The following CTNNBL1 variants were observed in gnomAD, a reference collection of about 807,000 sequenced individuals.
The protein encoded by CTNNBL1 is beta-catenin-like protein 1.
In CTNNBL1, 31 loss-of-function variants were observed where a neutral mutation model predicts 72.7. The ratio of observed to expected loss-of-function variants is 0.43; its 90% CI spans 0.32 to 0.58. CTNNBL1 has a LOEUF of 0.58. Ranked by LOEUF, CTNNBL1 falls within the 20% of genes least tolerant of loss-of-function variation. The pLI, the probability that CTNNBL1 is intolerant of heterozygous loss-of-function variation, is 0.08. For synonymous variants in CTNNBL1, 240 were observed against 267.3 expected (o/e 0.90, Z 1.00); for missense variants, 534 against 725.1 (o/e 0.74, Z 3.03).
intron 7 of CTNNBL1, among the ~76,000 whole-genome samples, chr20:37,770,125 C>T (rs565737833): frequency 4.1e-4 from 62 of 152,356 alleles, no homozygotes; most frequent in Non-Finnish European, 7.5e-4. Flanking sequence ...TTCAGTCTTG[C>T]ATCCAGCAAG....
At chr20:37,836,159 A>G (rs1446232041) in intron 11 of CTNNBL1, among the ~76,000 whole-genome samples, 1 of 152,226 alleles carries the variant, frequency 6.6e-6, no homozygotes, top group Non-Finnish European at 1.5e-5. Context: ...GTGTAAATTC[A>G]TCTTTGAGCT....
chr20:37,871,974 C>T lies in CTNNBL1; in HGVS notation c.1653C>T (p.Asn551=), dbSNP rs749426178. The T allele has an allele frequency of 2.5e-5, 41 of 1,614,100 alleles. No homozygotes were observed. The highest frequency in any genetic ancestry group is 1.0e-4 in the Admixed American group (6 of 60,022). The stretch of plus-strand genomic sequence containing the variant: ...GCCGGAGCCCGGAGTTCCGGGAGAA[C>T]GAGCAAAAGCGCATCCTGGGCTTGC... ...GDGRSPEFRE[N]EQKRILGLLE... The change falls in exon 16 of 16, where the codon AAC becomes AAT. Residue 551 remains asparagine, a synonymous_variant. Transcript: ENST00000361383.
Position 37,872,019 on chromosome 20 carries a change from C to T in CTNNBL1, c.*6C>T, listed in dbSNP as rs553340796. On this transcript the variant is annotated 3_prime_UTR_variant, in exon 16 of 16. Transcript: ENST00000361383. ...GCTTGCTGGAGAACTTCTAGAGGCA[C>T]CTTGGCCCTGCGCATCATGGACTCT... is the stretch of plus-strand genomic sequence containing the variant. 1.1e-4 allele frequency: 177 copies of T among 1,612,472 alleles called. 3 individuals are homozygous for T. The Middle Eastern group carries it at 8.9e-3, about 81-fold the overall frequency.
intron 11 of CTNNBL1, among the ~76,000 whole-genome samples, chr20:37,811,541 G>A (rs943606317): frequency 6.6e-6 from 1 of 152,176 alleles, no homozygotes; most frequent in Non-Finnish European, 1.5e-5. Context: ...ATGACAAAAT[G>A]TAGGGATGCT....
chr20:37,860,207 A>T, intron 14 of CTNNBL1, 65 bp from the exon 15 acceptor site: 1 of 1,504,076 alleles, frequency 6.6e-7, no homozygotes, highest in Non-Finnish European at 9.3e-7. Context: ...TTTCAAGGTG[A>T]TACATTCTGG....
At chr20:37,819,579 T>C (rs1335777373) in intron 11 of CTNNBL1, among the ~76,000 whole-genome samples, 6 of 152,224 alleles carry the variant, frequency 3.9e-5, no homozygotes, top group Non-Finnish European at 5.9e-5. Flanking sequence ...TTCTGTCATG[T>C]TTTTATATGT....
intron 1 of CTNNBL1, among the ~76,000 whole-genome samples, chr20:37,726,018 G>A (rs371512852): frequency 2.7e-4 from 41 of 152,124 alleles, no homozygotes; most frequent in African/African-American, 9.4e-4. Flanking sequence ...AGGCCTTTAT[G>A]TACATGCATA....
chr20:37,724,908 CTTT>C (rs748038781), intron 1 of CTNNBL1, among the ~76,000 whole-genome samples: 7 of 122,356 alleles, frequency 5.7e-5, no homozygotes, highest in Admixed American at 1.7e-4. Flanking sequence ...TCCTGTCAAT[CTTT>C]TTTTTTTTTT....
chr20:37,802,716 CCCT>C, intron 10 of CTNNBL1, 148 bp from the exon 11 acceptor site: 1 of 555,424 alleles, frequency 1.8e-6, no homozygotes, highest in Non-Finnish European at 3.1e-6. Flanking sequence ...AATTTGTCCA[CCCT>C]ATTGTAGACG....
chr20:37,777,002 A>G (rs533462179), intron 7 of CTNNBL1, among the ~76,000 whole-genome samples: 1 of 152,284 alleles, frequency 6.6e-6, no homozygotes, highest in Admixed American at 6.5e-5. Context: ...GGTGAGTTTT[A>G]ATCTTAAAAG....
intron 11 of CTNNBL1, among the ~76,000 whole-genome samples, chr20:37,811,223 A>G (rs2072009756): frequency 6.6e-6 from 1 of 152,116 alleles, no homozygotes; most frequent in African/African-American, 2.4e-5. Flanking sequence ...TCAGGTCCCT[A>G]TTTCTCCTCT....
At chr20:37,744,800 T>C (rs1162306617) in intron 3 of CTNNBL1, 1 of 152,212 alleles carries the variant, frequency 6.6e-6, no homozygotes, top group Non-Finnish European at 1.5e-5. Flanking sequence ...AATATAGAAC[T>C]ATATACTATA....
chr20:37,747,475 T>G (rs760858964), intron 4 of CTNNBL1, among the ~76,000 whole-genome samples: 11 of 152,132 alleles, frequency 7.2e-5, no homozygotes, highest in Non-Finnish European at 1.3e-4. Flanking sequence ...CAATCTAGGT[T>G]TGACTCTCAA....
intron 11 of CTNNBL1, among the ~76,000 whole-genome samples, chr20:37,824,086 A>T (rs1210117989): frequency 6.6e-6 from 1 of 152,228 alleles, no homozygotes; most frequent in East Asian, 1.9e-4. Flanking sequence ...ATTACTTTAG[A>T]TGAGCTATTG....
chr20:37,727,172 G>A (rs1229280560), intron 1 of CTNNBL1: 1 of 166,384 alleles, frequency 6.0e-6, no homozygotes, highest in African/African-American at 2.4e-5. Flanking sequence ...AAAAAAAGAG[G>A]GAAAAATGAA....
chr20:37,730,403 A>G (rs1477610527), intron 1 of CTNNBL1, among the ~76,000 whole-genome samples: 1 of 152,212 alleles, frequency 6.6e-6, no homozygotes, highest in Non-Finnish European at 1.5e-5. Flanking sequence ...GATTTTATGT[A>G]TTTGTTTAGT....
chr20:37,705,517 G>A (rs957624793), intron 1 of CTNNBL1, among the ~76,000 whole-genome samples: 1 of 151,928 alleles, frequency 6.6e-6, no homozygotes, highest in East Asian at 1.9e-4. Flanking sequence ...CAAGGTCATT[G>A]GTCCCTTGGA....
chr20:37,802,289 G>A (rs902114874), intron 10 of CTNNBL1, among the ~76,000 whole-genome samples: 2 of 152,198 alleles, frequency 1.3e-5, no homozygotes, highest in African/African-American at 4.8e-5. Context: ...TACATGAAAT[G>A]TCTAGAATAG....
chr20:37,780,711 T>A (rs2073618271), intron 10 of CTNNBL1, among the ~76,000 whole-genome samples: 1 of 152,220 alleles, frequency 6.6e-6, no homozygotes, highest in Admixed American at 6.5e-5. Context: ...TTTAAAATGA[T>A]GTTAGGATTA....
Sources: gnomAD v4.1 joint callset for allele counts (sites outside exome capture counted in the v4.1 genomes callset) on GRCh38, gnomAD v4.1.1 for gene constraint, MANE v1.5 for transcripts, NCBI Gene and HGNC (gene_info 2026-07-23, HGNC 2026-07-21) for gene names.